Variants in TRIM37 observed in about 807,000 individuals in gnomAD.
TRIM37 encodes the protein tripartite motif containing 37, also known as E3 ubiquitin-protein ligase TRIM37.
TRIM37 carries 80 observed loss-of-function variants against 129.8 expected under a neutral mutation model. That is an observed-to-expected ratio of 0.62 (90% CI 0.51 to 0.74). The LOEUF (loss-of-function observed/expected upper bound fraction) is 0.74, where lower values mean the gene tolerates loss of function less well. Ranked by LOEUF, TRIM37 falls within the 30% of genes least tolerant of loss-of-function variation. TRIM37 has a pLI of 0.00. For missense variants in TRIM37, 1,054 were observed against 1,176.5 expected (o/e 0.90, Z 1.52); for synonymous variants, 389 against 387.1 (o/e 1.00, Z -0.06).
intron 19 of TRIM37, among the ~76,000 whole-genome samples, chr17:59,025,336 C>T (rs2037113271): frequency 6.6e-6 from 1 of 151,172 alleles, no homozygotes; most frequent in Non-Finnish European, 1.5e-5. Flanking sequence ...GTTAAAAAGC[C>T]TTCCAAATAA....
chr17:58,981,288 C>G (rs1160399164), downstream of TRIM37: 1 of 397,888 alleles, frequency 2.5e-6, no homozygotes, highest in Non-Finnish European at 4.5e-6. Context: ...ACCCCCTTCC[C>G]ACCATCCTTC....
In TRIM37 at chr17:59,062,556, G is replaced by T; in HGVS notation, c.942+11C>A. On this transcript the variant is annotated intron_variant, in intron 11 of 23. Transcript: ENST00000262294. Reference sequence around the variant, plus strand: ...TGGTTTCAAAATTTATTAGAAATATGAAAAACTTACTGGGTAAACTTTTAA... The same window carrying T: ...TGGTTTCAAAATTTATTAGAAATATTAAAAACTTACTGGGTAAACTTTTAA... 1 of 1,610,164 alleles carries T rather than the reference G, an allele frequency of 6.2e-7. No individual in the cohort carries two copies. The highest frequency in any genetic ancestry group is 1.1e-5 in the South Asian group (1 of 90,918).
the TRIM37 span, among the ~76,000 whole-genome samples, chr17:58,976,741 A>T: frequency 6.6e-6 from 1 of 152,226 alleles, no homozygotes; most frequent in African/African-American, 2.4e-5. Context: ...AGCAGGTGAA[A>T]AGCCAGAACT....
intron 19 of TRIM37, among the ~76,000 whole-genome samples, chr17:59,025,329 A>C (rs2037112543): frequency 6.6e-6 from 1 of 151,858 alleles, no homozygotes; most frequent in Non-Finnish European, 1.5e-5. Context: ...CCTGGGAGTT[A>C]AAAAGCCTTC....
intron 17 of TRIM37, among the ~76,000 whole-genome samples, 161 bp from the exon 18 acceptor site, chr17:59,032,251 C>A (rs62084380): frequency 6.6e-6 from 1 of 152,094 alleles, no homozygotes; most frequent in Non-Finnish European, 1.5e-5. Flanking sequence ...CAGGGCCGGG[C>A]GCGGTGGCTC....
At chr17:59,085,304 G>A (rs2043656732) in intron 4 of TRIM37, among the ~76,000 whole-genome samples, 1 of 151,902 alleles carries the variant, frequency 6.6e-6, no homozygotes, top group Non-Finnish European at 1.5e-5. Flanking sequence ...TCCAGCCTGT[G>A]CAACAGAGCA....
intron 13 of TRIM37, among the ~76,000 whole-genome samples, chr17:59,051,585 A>T (rs1182366191): frequency 6.6e-6 from 1 of 152,204 alleles, no homozygotes; most frequent in Non-Finnish European, 1.5e-5. Flanking sequence ...TAACCTACTC[A>T]GGCATATTTA....
At chr17:59,055,239 G>A (rs761809299) in intron 13 of TRIM37, among the ~76,000 whole-genome samples, 3 of 150,634 alleles carry the variant, frequency 2.0e-5, no homozygotes, top group Non-Finnish European at 2.9e-5. Context: ...GGGAGGCTGA[G>A]GCAGGAGAAT....
At position 59,057,042 on chromosome 17, in the gene TRIM37, A is replaced by G; in HGVS notation, c.1032T>C (p.Arg344=). The change falls in exon 13 of 24, where the codon CGT becomes CGC. Residue 344 remains arginine, a synonymous_variant. Transcript: ENST00000262294. ...GLPETSKYEY[R]VEMVHQSCND... ...TACAGGACTGGTGAACCATCTCTACACGATATTCATATCTAAAATTGAAAA... is the reference window on the plus strand; with the variant it reads ...TACAGGACTGGTGAACCATCTCTACGCGATATTCATATCTAAAATTGAAAA... The G allele has an allele frequency of 6.2e-7, 1 of 1,613,762 alleles. No homozygotes were observed. The highest frequency in any genetic ancestry group is 8.5e-7 in the Non-Finnish European group (1 of 1,179,826).
At chr17:59,010,330 G>C (rs1404442441) in intron 22 of TRIM37, among the ~76,000 whole-genome samples, 1 of 152,170 alleles carries the variant, frequency 6.6e-6, no homozygotes, top group Admixed American at 6.5e-5. Flanking sequence ...ACAGTGCAGA[G>C]AACAGTCCCT....
At chr17:59,078,500 C>A (rs1350302561) in intron 7 of TRIM37, among the ~76,000 whole-genome samples, 1 of 152,114 alleles carries the variant, frequency 6.6e-6, no homozygotes, top group Non-Finnish European at 1.5e-5. Context: ...AAAAACAAGA[C>A]CACATGCAAA....
intron 19 of TRIM37, 130 bp from the exon 20 acceptor site, chr17:59,017,554 C>T: frequency 2.4e-6 from 3 of 1,232,614 alleles, no homozygotes; most frequent in Non-Finnish European, 3.5e-6. Flanking sequence ...AAATAAACAA[C>T]ATTCTGTAGC....
chr17:59,053,759 A>G (rs1255546272), intron 13 of TRIM37, among the ~76,000 whole-genome samples: 1 of 152,188 alleles, frequency 6.6e-6, no homozygotes, highest in Non-Finnish European at 1.5e-5. Context: ...TTAAACCCCA[A>G]AAGTCTGAAA....
chr17:59,010,761 G>C (rs1478514439), intron 22 of TRIM37, among the ~76,000 whole-genome samples: 3 of 152,080 alleles, frequency 2.0e-5, no homozygotes, highest in Non-Finnish European at 4.4e-5. Flanking sequence ...CCAAAGTACT[G>C]GGATTACAGG....
intron 9 of TRIM37, among the ~76,000 whole-genome samples, chr17:59,068,750 G>A (rs2042121350): frequency 6.6e-6 from 1 of 152,190 alleles, no homozygotes; most frequent in East Asian, 1.9e-4. Context: ...GAGAACCACT[G>A]GAGTTCTAGC....
At chr17:58,998,195 A>C, downstream of TRIM37, 2 of 984,856 alleles carry the variant, frequency 2.0e-6, no homozygotes, top group Middle Eastern at 5.2e-4. Context: ...TAAACAGCAG[A>C]GGCATATTTT....
chr17:59,023,295 C>A (rs1287864344), intron 19 of TRIM37, among the ~76,000 whole-genome samples: 1 of 152,108 alleles, frequency 6.6e-6, no homozygotes. Flanking sequence ...CCAGGCTGGT[C>A]TCGAACTCCT....
At chr17:59,019,871 C>T (rs979034125) in intron 19 of TRIM37, among the ~76,000 whole-genome samples, 2 of 152,032 alleles carry the variant, frequency 1.3e-5, no homozygotes, top group Non-Finnish European at 2.9e-5. Context: ...ATGTTCTAGA[C>T]TTACGAAAAA....
intron 23 of TRIM37, among the ~76,000 whole-genome samples, chr17:59,000,740 T>C (rs545827626): frequency 3.9e-5 from 6 of 152,348 alleles, no homozygotes; most frequent in Non-Finnish European, 2.9e-5. Context: ...AATCTGCATG[T>C]ATTTCTAAGT....
Sources: allele counts gnomAD v4.1 joint callset (sites outside exome capture counted in the v4.1 genomes callset), GRCh38; gene constraint gnomAD v4.1.1; transcripts MANE v1.5; gene names NCBI Gene and HGNC (gene_info 2026-07-23, HGNC 2026-07-21).